The following FBXL5 variants were observed in gnomAD, a reference collection of about 807,000 sequenced individuals.
FBXL5 encodes the protein F-box/LRR-repeat protein 5.
FBXL5 carries 26 observed loss-of-function variants against 78.3 expected under a neutral mutation model. The ratio of observed to expected loss-of-function variants is 0.33; its 90% CI spans 0.24 to 0.46. The LOEUF is 0.46. FBXL5 is among the 20% of genes least tolerant of loss of function. FBXL5 has a pLI of 1.00. For synonymous variants in FBXL5, 295 were observed against 282.5 expected (o/e 1.04, Z -0.45); for missense variants, 710 against 829.2 (o/e 0.86, Z 1.77).
At chr4:15,640,754 TA>T (rs1560231378) in intron 3 of FBXL5, 33 bp downstream of exon 3, 1 of 1,156,962 alleles carries the variant, frequency 8.6e-7, no homozygotes, top group Non-Finnish European at 1.2e-6. Flanking sequence ...AAGAATGTTA[TA>T]AATCTAAATC....
At chr4:15,611,669 T>C (rs1722274830) in intron 10 of FBXL5, among the ~76,000 whole-genome samples, 1 of 152,112 alleles carries the variant, frequency 6.6e-6, no homozygotes, top group Non-Finnish European at 1.5e-5. Flanking sequence ...TTCTTGTGAT[T>C]TTTGAAAGTA....
chr4:15,678,263 C>G (rs767023223), intron 1 of FBXL5, among the ~76,000 whole-genome samples: 7 of 152,166 alleles, frequency 4.6e-5, no homozygotes, highest in Admixed American at 6.5e-5. Context: ...TTCAATCTAA[C>G]AAGAATGGCT....
At chr4:15,647,975 A>C (rs541778924) in intron 1 of FBXL5, among the ~76,000 whole-genome samples, 1 of 152,262 alleles carries the variant, frequency 6.6e-6, no homozygotes, top group South Asian at 2.1e-4. Context: ...TGCTGGCCTC[A>C]GCCTTCCGAA....
chr4:15,658,026 C>T (rs9994518), upstream of FBXL5, among the ~76,000 whole-genome samples: 50,712 of 152,044 alleles, frequency 0.33, 8,812 homozygotes, highest in Non-Finnish European at 0.37. Context: ...CTCTTACCTA[C>T]TCTCATTCTC....
intron 9 of FBXL5, among the ~76,000 whole-genome samples, chr4:15,621,064 C>A (rs928485002): frequency 3.3e-5 from 5 of 152,166 alleles, no homozygotes; most frequent in Admixed American, 3.3e-4. Flanking sequence ...CCACTTCACA[C>A]CTCTATATTT....
intron 1 of FBXL5, among the ~76,000 whole-genome samples, chr4:15,647,747 G>T (rs535013205): frequency 9.2e-5 from 14 of 152,346 alleles, no homozygotes; most frequent in African/African-American, 3.1e-4. Context: ...TCTAGGGCAA[G>T]ATTGCCTAGG....
chr4:15,653,568 C>T (rs1409957357), intron 1 of FBXL5, among the ~76,000 whole-genome samples: 1 of 152,134 alleles, frequency 6.6e-6, no homozygotes, highest in African/African-American at 2.4e-5. Flanking sequence ...TCCTAGGCTA[C>T]CTCTCCACAG....
At chr4:15,647,257 GA>G (rs1160231332) in intron 1 of FBXL5, among the ~76,000 whole-genome samples, 27 of 59,108 alleles carry the variant, frequency 4.6e-4, no homozygotes, top group African/African-American at 1.6e-3. Context: ...AGAAAATGTT[GA>G]AAAAAATAAA....
intron 9 of FBXL5, among the ~76,000 whole-genome samples, chr4:15,621,561 G>A (rs1007734651): frequency 5.9e-5 from 9 of 152,146 alleles, no homozygotes; most frequent in South Asian, 2.1e-4. Context: ...AAGGAATGAC[G>A]TTCTGATACA....
At chr4:15,637,209 G>T (rs1029768959) in intron 4 of FBXL5, among the ~76,000 whole-genome samples, 7 of 152,166 alleles carry the variant, frequency 4.6e-5, no homozygotes, top group African/African-American at 1.7e-4. Context: ...TTAACCTAGA[G>T]ATGCTTTAAA....
At chr4:15,670,834 T>A (rs1470001799) in intron 1 of FBXL5, among the ~76,000 whole-genome samples, 2 of 151,482 alleles carry the variant, frequency 1.3e-5, no homozygotes, top group Non-Finnish European at 2.9e-5. Flanking sequence ...GTACAACGGA[T>A]CTACTGATGA....
chr4:15,679,763 C>G (rs574777058), intron 1 of FBXL5, among the ~76,000 whole-genome samples: 82 of 149,626 alleles, frequency 5.5e-4, no homozygotes, highest in African/African-American at 2.0e-3. Context: ...TTTCCAATCC[C>G]CCTAAAAAAA....
chr4:15,649,063 G>A (rs942085388), intron 1 of FBXL5, among the ~76,000 whole-genome samples: 1 of 151,720 alleles, frequency 6.6e-6, no homozygotes, highest in African/African-American at 2.4e-5. Flanking sequence ...AATTCTTGGT[G>A]GAGAATACAA....
intron 1 of FBXL5, among the ~76,000 whole-genome samples, chr4:15,653,185 C>T (rs763139241): frequency 6.6e-6 from 1 of 152,068 alleles, no homozygotes; most frequent in East Asian, 1.9e-4. Flanking sequence ...ATACAACAAT[C>T]TCATTAACTA....
intron 1 of FBXL5, among the ~76,000 whole-genome samples, chr4:15,670,390 T>G (rs145719678): frequency 6.6e-6 from 1 of 152,244 alleles, no homozygotes; most frequent in African/African-American, 2.4e-5. Flanking sequence ...CTTGGCAGTA[T>G]TCTTTGCTCT....
rs141463901 is a variant in FBXL5 at position 15,621,084 on chromosome 4, T to C, written c.1850+4168A>G. Reference sequence around the variant, plus strand: ...TCACACCTCTATATTTCTGTGTGTGTGTCTTTAATTCCTCTAGCGCCACTG... The same window carrying C: ...TCACACCTCTATATTTCTGTGTGTGCGTCTTTAATTCCTCTAGCGCCACTG... On this transcript the variant is annotated intron_variant, in intron 9 of 10. Transcript: ENST00000341285. 8.5e-5 allele frequency among the ~76,000 whole-genome samples: 13 copies of C among 152,338 alleles called. No individual in the cohort carries two copies. The East Asian group carries it at 2.5e-3, about 29-fold the overall frequency.
upstream of FBXL5, chr4:15,659,824 G>T: frequency 1.4e-6 from 1 of 734,718 alleles, no homozygotes; most frequent in Non-Finnish European, 1.7e-6. Context: ...TAGGGAGAAA[G>T]AATGGTTCCA....
intron 6 of FBXL5, among the ~76,000 whole-genome samples, chr4:15,629,756 AACT>A (rs1314936942): frequency 3.9e-5 from 6 of 152,148 alleles, no homozygotes; most frequent in African/African-American, 1.4e-4. Flanking sequence ...CATAAAAATA[AACT>A]ACTTTAGCTG....
chr4:15,641,288 A>G (rs1714846825), intron 2 of FBXL5, among the ~76,000 whole-genome samples: 1 of 152,084 alleles, frequency 6.6e-6, no homozygotes, highest in African/African-American at 2.4e-5. Flanking sequence ...AATATAGTTG[A>G]CCCTTGAACA....
Sources: gnomAD v4.1 joint callset for allele counts (sites outside exome capture counted in the v4.1 genomes callset) on GRCh38, gnomAD v4.1.1 for gene constraint, MANE v1.5 for transcripts, NCBI Gene and HGNC (gene_info 2026-07-23, HGNC 2026-07-21) for gene names.